GPC5: variants seen among roughly 807,000 people sequenced by gnomAD.
GPC5 encodes the protein glypican 5.
Under a neutral mutation model 53.9 loss-of-function variants are expected in GPC5, and 47 were observed. The ratio of observed to expected loss-of-function variants is 0.87; its 90% CI spans 0.69 to 1.11. GPC5 has a LOEUF of 1.11. Ranked by LOEUF, GPC5 falls within the 50% of genes most tolerant of loss-of-function variation. GPC5 has a pLI of 0.00. For synonymous variants in GPC5, 286 were observed against 263.3 expected, an observed-to-expected ratio of 1.09 and a Z score of -0.84; for missense variants, 748 against 713.1, an observed-to-expected ratio of 1.05 and a Z score of -0.56.
chr13:91,603,023 T>C (rs1344626309), intron 2 of GPC5, among the ~76,000 whole-genome samples: 4 of 152,202 alleles, frequency 2.6e-5, no homozygotes, highest in African/African-American at 9.6e-5. Context: ...GGCTGCTACA[T>C]GTGAGTTTAG....
intron 6 of GPC5, among the ~76,000 whole-genome samples, chr13:91,951,527 T>G: frequency 6.6e-6 from 1 of 152,166 alleles, no homozygotes; most frequent in East Asian, 1.9e-4. Context: ...TCAGCATTGC[T>G]GAAAGTTGTG....
At chr13:92,082,088 G>A (rs1161007644) in intron 6 of GPC5, among the ~76,000 whole-genome samples, 4 of 152,068 alleles carry the variant, frequency 2.6e-5, no homozygotes, top group African/African-American at 7.2e-5. Flanking sequence ...TTAAAATGAA[G>A]ATAGCATCAT....
At chr13:92,211,752 C>T (rs2042376811) in intron 7 of GPC5, among the ~76,000 whole-genome samples, 1 of 152,098 alleles carries the variant, frequency 6.6e-6, no homozygotes, top group African/African-American at 2.4e-5. Flanking sequence ...AGGAGCTCCT[C>T]AATTAGATAG....
At chr13:91,795,223 G>T (rs567851880) in intron 5 of GPC5, among the ~76,000 whole-genome samples, 1 of 152,144 alleles carries the variant, frequency 6.6e-6, no homozygotes, top group Admixed American at 6.5e-5. Flanking sequence ...GATACATCTT[G>T]AAATTTAGGG....
intron 7 of GPC5, among the ~76,000 whole-genome samples, chr13:92,798,206 G>T (rs544453874): frequency 6.6e-6 from 1 of 151,760 alleles, no homozygotes; most frequent in African/African-American, 2.4e-5. Flanking sequence ...TTGTTTTTTG[G>T]GTATTTTTTT....
chr13:92,805,627 CG>C (rs1877067485), intron 7 of GPC5, among the ~76,000 whole-genome samples: 1 of 151,674 alleles, frequency 6.6e-6, no homozygotes, highest in Non-Finnish European at 1.5e-5. Context: ...TTGTAGAGAT[CG>C]GGTCTCACTT....
intron 7 of GPC5, among the ~76,000 whole-genome samples, chr13:92,623,538 G>A (rs904068228): frequency 1.8e-4 from 28 of 152,036 alleles, no homozygotes; most frequent in African/African-American, 6.5e-4. Context: ...TTATTAAAAT[G>A]AGAGAAAAAA....
intron 7 of GPC5, among the ~76,000 whole-genome samples, chr13:92,170,420 CTTTTTTTTT>C (rs61418155): frequency 6.6e-5 from 5 of 75,260 alleles, no homozygotes; most frequent in African/African-American, 1.6e-4. Context: ...CTTTTCTTTG[CTTTTTTTTT>C]TTTTTTTTTT....
At chr13:91,586,654 T>C (rs1482959850) in intron 2 of GPC5, among the ~76,000 whole-genome samples, 3 of 142,296 alleles carry the variant, frequency 2.1e-5, no homozygotes, top group African/African-American at 7.7e-5. Flanking sequence ...CATGAGAACA[T>C]CATGGGGGGA....
intron 7 of GPC5, among the ~76,000 whole-genome samples, chr13:92,852,050 C>T (rs557922975): frequency 2.6e-4 from 39 of 152,136 alleles, no homozygotes; most frequent in African/African-American, 6.5e-4. Context: ...CAGAGAGATT[C>T]GGAGTACCAA....
chr13:92,199,788 T>C (rs1468950598), intron 7 of GPC5, among the ~76,000 whole-genome samples: 1 of 152,124 alleles, frequency 6.6e-6, no homozygotes, highest in Non-Finnish European at 1.5e-5. Context: ...CAGGCAGAAA[T>C]GTTGACACTG....
intron 6 of GPC5, among the ~76,000 whole-genome samples, chr13:92,122,834 T>G (rs1342687938): frequency 6.6e-6 from 1 of 151,416 alleles, no homozygotes; most frequent in Non-Finnish European, 1.5e-5. Flanking sequence ...CTTTTTTATC[T>G]TTCTCTTCAG....
intron 7 of GPC5, among the ~76,000 whole-genome samples, chr13:92,466,403 A>G (rs1469403284): frequency 1.3e-5 from 2 of 152,056 alleles, no homozygotes; most frequent in African/African-American, 4.8e-5. Flanking sequence ...CTGAAGTCAT[A>G]AAGACTCTTG....
intron 2 of GPC5, among the ~76,000 whole-genome samples, chr13:91,619,270 A>T (rs1197316340): frequency 6.6e-6 from 1 of 152,094 alleles, no homozygotes; most frequent in African/African-American, 2.4e-5. Context: ...TAAATGAAGG[A>T]TTCTTAATTC....
chr13:92,379,521 CCT>C (rs1197295083), intron 7 of GPC5, among the ~76,000 whole-genome samples: 1 of 151,174 alleles, frequency 6.6e-6, no homozygotes, highest in African/African-American at 2.5e-5. Flanking sequence ...CATGTTAGTT[CCT>C]CTCTGTTTCC....
chr13:92,811,824 G>A (rs1877310732), intron 7 of GPC5, among the ~76,000 whole-genome samples: 1 of 151,762 alleles, frequency 6.6e-6, no homozygotes, highest in Admixed American at 6.6e-5. Context: ...TTTGAGTATG[G>A]AAATCTCGTT....
intron 6 of GPC5, among the ~76,000 whole-genome samples, chr13:91,982,878 G>A (rs1000884184): frequency 9.2e-5 from 14 of 152,238 alleles, no homozygotes; most frequent in African/African-American, 3.4e-4. Flanking sequence ...AAGAGCTTCC[G>A]AGTCAGGGTA....
At chr13:92,555,862 A>G (rs893130200) in intron 7 of GPC5, among the ~76,000 whole-genome samples, 8 of 151,158 alleles carry the variant, frequency 5.3e-5, no homozygotes, top group Non-Finnish European at 1.2e-4. Context: ...GAAATCTATT[A>G]GAGTAATATA....
chr13:91,718,142 TCTC>T (rs1246808425), intron 3 of GPC5, among the ~76,000 whole-genome samples: 1 of 151,388 alleles, frequency 6.6e-6, no homozygotes, highest in Non-Finnish European at 1.5e-5. Flanking sequence ...ATGGAGTCTC[TCTC>T]TGTAGCCCAG....
Sources: allele counts gnomAD v4.1 joint callset (sites outside exome capture counted in the v4.1 genomes callset), GRCh38; gene constraint gnomAD v4.1.1; transcripts MANE v1.5; gene names NCBI Gene and HGNC (gene_info 2026-07-23, HGNC 2026-07-21).